The following DNER variants were observed in gnomAD, a reference collection of about 807,000 sequenced individuals.
The protein encoded by DNER is delta/notch like EGF repeat containing, also known as delta and Notch-like epidermal growth factor-related receptor.
A neutral mutation model predicts 78.2 loss-of-function variants in DNER; 33 were observed. The ratio of observed to expected loss-of-function variants is 0.42; its 90% CI spans 0.32 to 0.56. The LOEUF is 0.56. Ranked by LOEUF, DNER falls within the 20% of genes least tolerant of loss-of-function variation. The probability of loss-of-function intolerance (pLI) is 0.11; values close to 1 mark genes in which losing one functional copy is unlikely to be tolerated. For missense variants in DNER, 918 were observed against 975.3 expected (o/e 0.94, Z 0.78); for synonymous variants, 417 against 384.8 (o/e 1.08, Z -0.98).
intron 10 of DNER, among the ~76,000 whole-genome samples, chr2:229,398,803 C>A (rs1359875917): frequency 3.3e-5 from 5 of 151,960 alleles, no homozygotes; most frequent in African/African-American, 1.2e-4. Flanking sequence ...ATTTGAAAAT[C>A]AACCAAGCAT....
At chr2:229,398,365 C>T (rs1042695273) in intron 10 of DNER, among the ~76,000 whole-genome samples, 4 of 151,870 alleles carry the variant, frequency 2.6e-5, no homozygotes, top group African/African-American at 9.7e-5. Flanking sequence ...TTTAAAACTC[C>T]CCAAAAAGAA....
At chr2:229,374,441 G>A (rs938529625) in intron 11 of DNER, among the ~76,000 whole-genome samples, 5 of 152,120 alleles carry the variant, frequency 3.3e-5, no homozygotes, top group African/African-American at 1.2e-4. Context: ...AGACACCCAA[G>A]TAGTTATGTC....
chr2:229,437,549 C>T (rs1453890825), intron 8 of DNER, among the ~76,000 whole-genome samples: 2 of 152,222 alleles, frequency 1.3e-5, no homozygotes, highest in Non-Finnish European at 2.9e-5. Flanking sequence ...TATTGGTGGT[C>T]TAATTGGGAC....
chr2:229,676,869 C>T (rs1389024186), intron 1 of DNER, among the ~76,000 whole-genome samples: 1 of 152,136 alleles, frequency 6.6e-6, no homozygotes, highest in East Asian at 1.9e-4. Flanking sequence ...ATACCATGCT[C>T]ACAGTAATAT....
At chr2:229,364,844 CTTTTTT>C (rs34346714) in intron 12 of DNER, among the ~76,000 whole-genome samples, 3 of 75,478 alleles carry the variant, frequency 4.0e-5, no homozygotes, top group African/African-American at 1.7e-4. Context: ...CTCTCTCTCT[CTTTTTT>C]TTTTTTTTTT....
chr2:229,577,769 A>G (rs74460846), intron 4 of DNER, among the ~76,000 whole-genome samples: 52 of 152,374 alleles, frequency 3.4e-4, no homozygotes, highest in Non-Finnish European at 7.1e-4. Context: ...ATTTACATTC[A>G]GTAAAGATGG....
At chr2:229,498,824 T>C (rs1695552516) in intron 6 of DNER, among the ~76,000 whole-genome samples, 1 of 152,202 alleles carries the variant, frequency 6.6e-6, no homozygotes, top group Non-Finnish European at 1.5e-5. Context: ...ATTGTTAAAA[T>C]GTCCATTTTA....
At chr2:229,383,053 C>T (rs187396563) in intron 11 of DNER, among the ~76,000 whole-genome samples, 55 of 152,286 alleles carry the variant, frequency 3.6e-4, no homozygotes, top group Middle Eastern at 3.4e-3. Context: ...ATCAGACTAA[C>T]GGCAGATCTC....
At chr2:229,473,333 A>G (rs909496909) in intron 7 of DNER, among the ~76,000 whole-genome samples, 1 of 152,256 alleles carries the variant, frequency 6.6e-6, no homozygotes, top group African/African-American at 2.4e-5. Context: ...CTTTAAAAAT[A>G]TAATGTGATT....
chr2:229,387,505 AAGAG>A (rs201937567), intron 11 of DNER, among the ~76,000 whole-genome samples: 4,373 of 86,264 alleles, frequency 0.051, 74 homozygotes, highest in Middle Eastern at 0.09. Context: ...GAAAGAAAGA[AAGAG>A]AGAAAGAAAG....
At chr2:229,379,789 TG>T (rs1286576408) in intron 11 of DNER, among the ~76,000 whole-genome samples, 3 of 152,208 alleles carry the variant, frequency 2.0e-5, no homozygotes, top group Non-Finnish European at 4.4e-5. Flanking sequence ...AAGGTCCTGC[TG>T]ACCCAAGTCT....
chr2:229,485,745 A>T (rs1243111192), intron 6 of DNER, among the ~76,000 whole-genome samples: 4 of 152,114 alleles, frequency 2.6e-5, no homozygotes, highest in South Asian at 2.1e-4. Context: ...GGGCATTTTT[A>T]AAAAAACATT....
intron 6 of DNER, among the ~76,000 whole-genome samples, chr2:229,493,354 T>C (rs1234331546): frequency 6.6e-6 from 1 of 152,166 alleles, no homozygotes; most frequent in African/African-American, 2.4e-5. Flanking sequence ...AATAGCTCCT[T>C]TGAGGAAGAA....
chr2:229,543,638 T>C (rs983403403), intron 5 of DNER, among the ~76,000 whole-genome samples: 6 of 152,148 alleles, frequency 3.9e-5, no homozygotes, highest in Non-Finnish European at 5.9e-5. Context: ...AAGATCTGTG[T>C]GTCTCCTCCT....
At chr2:229,573,450 C>A (rs1198562557) in intron 4 of DNER, among the ~76,000 whole-genome samples, 4 of 152,152 alleles carry the variant, frequency 2.6e-5, no homozygotes, top group African/African-American at 9.7e-5. Context: ...GTTTTATACC[C>A]AAGACCTTTG....
intron 1 of DNER, among the ~76,000 whole-genome samples, chr2:229,657,522 A>C (rs1310275488): frequency 6.6e-6 from 1 of 152,230 alleles, no homozygotes; most frequent in Admixed American, 6.5e-5. Flanking sequence ...TTTCAACACT[A>C]CATGACATAA....
chr2:229,403,831 G>C (rs1693323376), intron 10 of DNER, among the ~76,000 whole-genome samples: 1 of 152,060 alleles, frequency 6.6e-6, no homozygotes, highest in African/African-American at 2.4e-5. Flanking sequence ...GCGTGACATG[G>C]TATGTTCAGT....
At position 229,428,091 on chromosome 2, in the gene DNER, A is replaced by AAG. The variant is rs1553604791; in HGVS notation, c.1487-9863_1487-9862dup. ...TTCCATCTCAAAAAAAAAAAAAAAA[A>AAG]AGAGAAAAAAAGAAAAGAAAAGAGA... On this transcript the variant is annotated intron_variant, in intron 8 of 12. Transcript: ENST00000341772. Among the ~76,000 whole-genome samples, 19 of 146,824 alleles carry AAG rather than the reference A, an allele frequency of 1.3e-4. 1 individual carries two copies. The highest frequency in any genetic ancestry group is 2.1e-4 in the Admixed American group (3 of 14,586).
chr2:229,652,483 A>T (rs1361304817), intron 1 of DNER, among the ~76,000 whole-genome samples: 1 of 152,238 alleles, frequency 6.6e-6, no homozygotes, highest in African/African-American at 2.4e-5. Flanking sequence ...AAAATACATA[A>T]GCAAATGGTC....
Sources: gnomAD v4.1 joint callset for allele counts (sites outside exome capture counted in the v4.1 genomes callset) on GRCh38, gnomAD v4.1.1 for gene constraint, MANE v1.5 for transcripts, NCBI Gene and HGNC (gene_info 2026-07-23, HGNC 2026-07-21) for gene names.